Variants in GPR158 observed in about 807,000 individuals in gnomAD.
GPR158 encodes G protein-coupled receptor 158.
GPR158 carries 30 observed loss-of-function variants against 78.2 expected under a neutral mutation model. That is an observed-to-expected ratio of 0.38 (90% CI 0.29 to 0.52). The LOEUF is 0.52. Among genes scored for constraint, GPR158 ranks in the 20% least tolerant of loss-of-function variants. The pLI is 0.83. For synonymous variants in GPR158, 581 were observed against 591.1 expected, an observed-to-expected ratio of 0.98 and a Z score of 0.25; for missense variants, 1,463 against 1,523.5, an observed-to-expected ratio of 0.96 and a Z score of 0.66.
chr10:25,579,402 C>A (rs1347394996), intron 7 of GPR158, among the ~76,000 whole-genome samples: 1 of 152,096 alleles, frequency 6.6e-6, no homozygotes, highest in Non-Finnish European at 1.5e-5. Context: ...ATTTAGATAT[C>A]CCAGGCAGGC....
intron 3 of GPR158, among the ~76,000 whole-genome samples, chr10:25,408,009 G>A (rs1178247366): frequency 1.3e-5 from 2 of 152,138 alleles, no homozygotes; most frequent in Non-Finnish European, 2.9e-5. Context: ...AGTGATTCGA[G>A]GTGCTAAATA....
At chr10:25,299,238 G>T (rs1854557775) in intron 2 of GPR158, among the ~76,000 whole-genome samples, 1 of 152,118 alleles carries the variant, frequency 6.6e-6, no homozygotes, top group Non-Finnish European at 1.5e-5. Context: ...GGGTGTGTGT[G>T]TGTGTGGTAA....
intron 2 of GPR158, among the ~76,000 whole-genome samples, chr10:25,359,256 C>T (rs1039941794): frequency 6.6e-6 from 1 of 151,644 alleles, no homozygotes; most frequent in African/African-American, 2.4e-5. Context: ...TGAAAGTTAC[C>T]TTCTTAACAA....
chr10:25,528,865 T>G (rs1033547114), intron 5 of GPR158, among the ~76,000 whole-genome samples: 3 of 152,168 alleles, frequency 2.0e-5, no homozygotes, highest in Admixed American at 2.0e-4. Flanking sequence ...TTTCAAAAAT[T>G]ACTCTAAAGT....
chr10:25,537,715 C>G lies in GPR158; in HGVS notation c.1405-13261C>G, dbSNP rs1487476119. Reference sequence around the variant, plus strand: ...TAATCCCCAGTGTTGGAGGAGGGGCCTGGTGGGAGGTGACTGGATATGGGG... The same window carrying G: ...TAATCCCCAGTGTTGGAGGAGGGGCGTGGTGGGAGGTGACTGGATATGGGG... On this transcript the variant is annotated intron_variant, in intron 5 of 10. Transcript: ENST00000376351. 1.3e-5 allele frequency among the ~76,000 whole-genome samples: 2 copies of G among 152,054 alleles called. 1 individual carries two copies. Among genetic ancestry groups the G allele is most frequent in the South Asian group, 4.2e-4 (2 of 4,818 alleles).
intron 3 of GPR158, among the ~76,000 whole-genome samples, chr10:25,405,497 C>CTTT (rs1834500267): frequency 2.2e-5 from 1 of 46,180 alleles, no homozygotes; most frequent in South Asian, 6.8e-4. Context: ...GAAACAATTT[C>CTTT]CTTTTTTTTT....
chr10:25,262,688 T>A (rs1261672279), intron 2 of GPR158, among the ~76,000 whole-genome samples: 1 of 152,152 alleles, frequency 6.6e-6, no homozygotes, highest in Non-Finnish European at 1.5e-5. Context: ...ACCACAGTGG[T>A]TCACTTGCTA....
At position 25,278,692 on chromosome 10, in the gene GPR158, A is replaced by G. The variant is rs187195938; in HGVS notation, c.1008+57535A>G. Among the ~76,000 whole-genome samples, 1,060 of 151,886 alleles carry G rather than the reference A, an allele frequency of 7.0e-3. 6 individuals carry two copies. The highest frequency in any genetic ancestry group is 0.011 in the Non-Finnish European group (751 of 67,894). ...AGTGAAAAATATGTACAAAGGAGTA[A>G]CAGAGACTTACTATCTTCAAAGTGC... On this transcript the variant is annotated intron_variant, in intron 2 of 10. Transcript: ENST00000376351.
At chr10:25,346,783 C>T (rs978203685) in intron 2 of GPR158, among the ~76,000 whole-genome samples, 1 of 151,910 alleles carries the variant, frequency 6.6e-6, no homozygotes, top group Admixed American at 6.6e-5. Flanking sequence ...AACCTAGTTA[C>T]TTCAACAATT....
intron 2 of GPR158, among the ~76,000 whole-genome samples, chr10:25,302,045 C>T (rs958429020): frequency 2.1e-4 from 31 of 149,752 alleles, no homozygotes; most frequent in Non-Finnish European, 3.1e-4. Flanking sequence ...ATCTGTTTAT[C>T]GCATCTATCA....
At chr10:25,580,928 A>ATTTT (rs1239379922) in intron 7 of GPR158, among the ~76,000 whole-genome samples, 1 of 115,936 alleles carries the variant, frequency 8.6e-6, no homozygotes, top group African/African-American at 4.3e-5. Context: ...ATTTTATTTT[A>ATTTT]TTTTTTTGAG....
Position 25,551,003 on chromosome 10 carries a change from A to G in GPR158, c.1432A>G (p.Thr478Ala). Residue 478 changes from threonine (T) to alanine (A), a missense_variant, in exon 6 of 11, where the codon ACA becomes GCA. By Grantham distance (58) the Thr-to-Ala change is moderately conservative (BLOSUM62 0). Transcript: ENST00000376351. ...TGTTATTTTGTACTTTGAGCCAAGCACATTTCGCTGTATTCTCCTAAGATG... is the reference window on the plus strand; with the variant it reads ...TGTTATTTTGTACTTTGAGCCAAGCGCATTTCGCTGTATTCTCCTAAGATG... The part of the protein sequence containing the change: ...PVVILYFEPS[T>A]FRCILLRWAR... 1 of 1,607,934 alleles carries G rather than the reference A, an allele frequency of 6.2e-7. No individual in the cohort carries two copies. Among genetic ancestry groups the G allele is most frequent in the Non-Finnish European group, 8.5e-7 (1 of 1,174,600 alleles).
At chr10:25,198,922 G>A (rs2130652036) in intron 1 of GPR158, among the ~76,000 whole-genome samples, 1 of 151,826 alleles carries the variant, frequency 6.6e-6, no homozygotes, top group African/African-American at 2.4e-5. Context: ...ATGATGACAA[G>A]GCAGCTTCTA....
rs1002990369 is a variant in GPR158, at chr10:25,212,991, T to A, written c.903-8061T>A. Among the ~76,000 whole-genome samples the A allele has an allele frequency of 2.0e-5, 3 of 152,166 alleles. No individual in the cohort carries two copies. The South Asian group carries it at 6.2e-4, about 32-fold the overall frequency. Reference sequence around the variant, plus strand: ...AGTTATAATTTTTTTTACTGGAGATTGTTGTAGAGAAATGCCAGTGCTTTT... The same window carrying A: ...AGTTATAATTTTTTTTACTGGAGATAGTTGTAGAGAAATGCCAGTGCTTTT... On this transcript the variant is annotated intron_variant, in intron 1 of 10. Coordinates refer to ENST00000376351, the MANE Select transcript of GPR158 (RefSeq NM_020752.3).
intron 1 of GPR158, among the ~76,000 whole-genome samples, chr10:25,194,957 C>A (rs1263135126): frequency 6.6e-6 from 1 of 152,050 alleles, no homozygotes; most frequent in African/African-American, 2.4e-5. Context: ...AAAGAATTCT[C>A]TGCTTTGTCC....
intron 2 of GPR158, among the ~76,000 whole-genome samples, chr10:25,317,067 A>C (rs1210247224): frequency 7.0e-6 from 1 of 143,176 alleles, no homozygotes; most frequent in Non-Finnish European, 1.5e-5. Context: ...TTTTTTTTTG[A>C]GACAAGGTCT....
intron 2 of GPR158, among the ~76,000 whole-genome samples, chr10:25,295,615 A>G (rs1041187779): frequency 2.6e-5 from 4 of 151,928 alleles, no homozygotes; most frequent in African/African-American, 9.7e-5. Context: ...GGGTTTCACC[A>G]TGTTAGCCAG....
In GPR158 at chr10:25,599,431, G is replaced by A. The variant is rs879025046; in HGVS notation, c.*157G>A. 6.5e-6 allele frequency: 4 copies of A among 613,312 alleles called. No individual in the cohort carries two copies. Among genetic ancestry groups the A allele is most frequent in the East Asian group, 2.7e-5 (1 of 36,432 alleles). 38.0% of individuals were successfully genotyped at this position (613,312 alleles called of 1,614,324 possible). ...GCATGGGTAGAAGAGGACCAGGGGG[G>A]CAAGAGCAACAACGTCATAATGGAG... On this transcript the variant is annotated 3_prime_UTR_variant, in exon 11 of 11. Coordinates refer to ENST00000376351, the MANE Select transcript of GPR158 (RefSeq NM_020752.3).
chr10:25,355,227 CT>C (rs1423240228), intron 2 of GPR158, among the ~76,000 whole-genome samples: 2 of 132,770 alleles, frequency 1.5e-5, no homozygotes, highest in Admixed American at 1.4e-4. Flanking sequence ...CTTTTTTTTC[CT>C]TTTTCTCCTC....
Sources: gnomAD v4.1 joint callset for allele counts (sites outside exome capture counted in the v4.1 genomes callset) on GRCh38, gnomAD v4.1.1 for gene constraint, MANE v1.5 for transcripts, NCBI Gene and HGNC (gene_info 2026-07-23, HGNC 2026-07-21) for gene names.